Variants in ARHGAP15 observed in about 807,000 individuals in gnomAD.
ARHGAP15 encodes Rho GTPase activating protein 15.
In ARHGAP15, 51 loss-of-function variants were observed where a neutral mutation model predicts 63.7. That is an observed-to-expected ratio of 0.80 (90% CI 0.64 to 1.01). The LOEUF (loss-of-function observed/expected upper bound fraction) is 1.01. Among genes scored for constraint, ARHGAP15 ranks in the 50% least tolerant of loss-of-function variants. ARHGAP15 has a pLI of 0.00. For synonymous variants in ARHGAP15, 191 were observed against 193.8 expected, an observed-to-expected ratio of 0.99 and a Z score of 0.12; for missense variants, 560 against 564.6, an observed-to-expected ratio of 0.99 and a Z score of 0.08.
chr2:143,324,615 G>T (rs1684174192), intron 6 of ARHGAP15, among the ~76,000 whole-genome samples: 1 of 152,112 alleles, frequency 6.6e-6, no homozygotes, highest in Admixed American at 6.5e-5. Flanking sequence ...GGAAAAATCT[G>T]TACATTGGTT....
chr2:143,344,938 G>T (rs752126402), intron 6 of ARHGAP15, among the ~76,000 whole-genome samples: 2 of 152,038 alleles, frequency 1.3e-5, no homozygotes, highest in Non-Finnish European at 2.9e-5. Flanking sequence ...TTAAGCGGTC[G>T]GAAAATCATT....
At chr2:143,669,652 C>A (rs890388600) in intron 12 of ARHGAP15, among the ~76,000 whole-genome samples, 2 of 152,114 alleles carry the variant, frequency 1.3e-5, no homozygotes, top group Admixed American at 6.6e-5. Flanking sequence ...CTCTCTGGGG[C>A]CTCTTTCATA....
At chr2:143,153,386 A>G (rs1689912190) in intron 1 of ARHGAP15, among the ~76,000 whole-genome samples, 1 of 151,978 alleles carries the variant, frequency 6.6e-6, no homozygotes, top group Non-Finnish European at 1.5e-5. Flanking sequence ...TTTATTTCAT[A>G]CTTATTGAAA....
chr2:143,601,810 GGGAATGATTT>G (rs1697782384), intron 11 of ARHGAP15, among the ~76,000 whole-genome samples: 2 of 151,890 alleles, frequency 1.3e-5, no homozygotes, highest in Admixed American at 6.6e-5. Context: ...GACTTTCTTT[GGGAATGATTT>G]GTTAATTTTA....
intron 6 of ARHGAP15, among the ~76,000 whole-genome samples, chr2:143,270,334 T>C (rs1681210489): frequency 6.6e-6 from 1 of 152,218 alleles, no homozygotes; most frequent in Non-Finnish European, 1.5e-5. Context: ...GACATTTCTG[T>C]TTTGCTTTGA....
intron 9 of ARHGAP15, 36 bp downstream of exon 9, chr2:143,487,531 TA>T: frequency 1.3e-6 from 2 of 1,592,990 alleles, no homozygotes; most frequent in Non-Finnish European, 1.7e-6. Context: ...ATAACTGTGA[TA>T]AATGAATGTG....
At chr2:143,687,140 C>A (rs1029748539) in intron 12 of ARHGAP15, among the ~76,000 whole-genome samples, 41 of 151,994 alleles carry the variant, frequency 2.7e-4, no homozygotes, top group African/African-American at 9.4e-4. Flanking sequence ...CTTTTCTCTG[C>A]AAGTAGAGAA....
At chr2:143,360,172 AGTT>A (rs1685980521) in intron 6 of ARHGAP15, among the ~76,000 whole-genome samples, 10 of 151,648 alleles carry the variant, frequency 6.6e-5, no homozygotes, top group African/African-American at 2.4e-4. Context: ...AGAGGCCTGG[AGTT>A]AGGAACCAGC....
chr2:143,133,009 C>T (rs1165434092), intron 1 of ARHGAP15, among the ~76,000 whole-genome samples: 1 of 152,116 alleles, frequency 6.6e-6, no homozygotes, highest in Non-Finnish European at 1.5e-5. Flanking sequence ...TTGTCAAGTA[C>T]CATAAGAAGA....
rs78300888 is a variant in ARHGAP15, at chr2:143,467,735, A to T, written c.704-19638A>T. 9.2e-5 allele frequency among the ~76,000 whole-genome samples: 14 copies of T among 152,240 alleles called. No individual in the cohort carries two copies. In the East Asian group the frequency reaches 2.7e-3, roughly 29 times the overall value. On this transcript the variant is annotated intron_variant, in intron 8 of 13. Coordinates refer to ENST00000295095, the MANE Select transcript of ARHGAP15 (RefSeq NM_018460.4). ...ACACAACTGTTTTAAAAGAAGAACAAGATTTTCATGCAAAAATATGAATTA... is the reference window on the plus strand; with the variant it reads ...ACACAACTGTTTTAAAAGAAGAACATGATTTTCATGCAAAAATATGAATTA...
At chr2:143,489,697 G>A (rs1051644602) in intron 9 of ARHGAP15, among the ~76,000 whole-genome samples, 4 of 152,214 alleles carry the variant, frequency 2.6e-5, no homozygotes, top group African/African-American at 9.6e-5. Context: ...AAGAAAAATT[G>A]CATACAATTA....
At chr2:143,402,101 A>G (rs1688011111) in intron 6 of ARHGAP15, among the ~76,000 whole-genome samples, 1 of 151,900 alleles carries the variant, frequency 6.6e-6, no homozygotes, top group Admixed American at 6.6e-5. Flanking sequence ...TGGCATTAAC[A>G]ATAGCACCAG....
At chr2:143,135,484 G>A (rs914771720) in intron 1 of ARHGAP15, among the ~76,000 whole-genome samples, 1 of 152,094 alleles carries the variant, frequency 6.6e-6, no homozygotes, top group African/African-American at 2.4e-5. Flanking sequence ...AATGAAAACT[G>A]TTTAGTAGGT....
chr2:143,255,168 A>T (rs1017302066), intron 6 of ARHGAP15, among the ~76,000 whole-genome samples: 1 of 152,124 alleles, frequency 6.6e-6, no homozygotes, highest in Non-Finnish European at 1.5e-5. Flanking sequence ...ATTTCTGCCA[A>T]TTAATAAATC....
At chr2:143,764,925 A>G (rs944675675) in intron 13 of ARHGAP15, among the ~76,000 whole-genome samples, 1 of 152,074 alleles carries the variant, frequency 6.6e-6, no homozygotes, top group African/African-American at 2.4e-5. Context: ...TGTACCTTCA[A>G]TACAGTCTTG....
At chr2:143,736,268 A>G (rs1685741210) in intron 13 of ARHGAP15, among the ~76,000 whole-genome samples, 1 of 152,046 alleles carries the variant, frequency 6.6e-6, no homozygotes, top group Admixed American at 6.6e-5. Context: ...ATGGTGGTGC[A>G]TGCTATAACC....
At chr2:143,259,866 A>T (rs1382497270) in intron 6 of ARHGAP15, among the ~76,000 whole-genome samples, 2 of 152,170 alleles carry the variant, frequency 1.3e-5, no homozygotes, top group Non-Finnish European at 2.9e-5. Context: ...ATCGACATTC[A>T]TTTCTGTTGG....
At chr2:143,496,571 A>G (rs9973511) in intron 9 of ARHGAP15, among the ~76,000 whole-genome samples, 60,239 of 152,048 alleles carry the variant, frequency 0.4, 13,639 homozygotes, top group Non-Finnish European at 0.52. Flanking sequence ...TAACCTACAA[A>G]ATGGTTTTAC....
intron 2 of ARHGAP15, among the ~76,000 whole-genome samples, chr2:143,168,423 C>T (rs981278194): frequency 7.2e-5 from 11 of 152,110 alleles, no homozygotes; most frequent in Non-Finnish European, 1.3e-4. Flanking sequence ...AAGCAATCCT[C>T]CCACCTTGGC....
Sources: allele counts gnomAD v4.1 joint callset (sites outside exome capture counted in the v4.1 genomes callset), GRCh38; gene constraint gnomAD v4.1.1; transcripts MANE v1.5; gene names NCBI Gene and HGNC (gene_info 2026-07-23, HGNC 2026-07-21).